The following RYR3 variants were observed in gnomAD, a reference collection of about 807,000 sequenced individuals.
RYR3 encodes ryanodine receptor 3.
In RYR3, 207 loss-of-function variants were observed where a neutral mutation model predicts 584.3. The ratio of observed to expected loss-of-function variants is 0.35; its 90% CI spans 0.32 to 0.40. The LOEUF (loss-of-function observed/expected upper bound fraction) is 0.40. Ranked by LOEUF, RYR3 falls within the 10% of genes least tolerant of loss-of-function variation. The pLI, the probability that RYR3 is intolerant of heterozygous loss-of-function variation, is 1.00. For missense variants in RYR3, 5,616 were observed against 6,089.2 expected, an observed-to-expected ratio of 0.92 and a Z score of 2.59; for synonymous variants, 2,416 against 2,248.5, an observed-to-expected ratio of 1.07 and a Z score of -2.11.
chr15:33,727,633 C>A (rs900130927), intron 46 of RYR3, among the ~76,000 whole-genome samples: 1 of 152,174 alleles, frequency 6.6e-6, no homozygotes, highest in Non-Finnish European at 1.5e-5. Context: ...GAGGCCGCAG[C>A]CTGCAGTCTG....
intron 102 of RYR3, among the ~76,000 whole-genome samples, chr15:33,862,712 G>GTGAT (rs150306937): frequency 0.051 from 7,722 of 152,054 alleles, 451 homozygotes; most frequent in East Asian, 0.36. Context: ...CTGGATTCAA[G>GTGAT]TGATTCTCCT....
intron 48 of RYR3, among the ~76,000 whole-genome samples, chr15:33,734,467 C>T (rs2069236730): frequency 6.6e-6 from 1 of 152,124 alleles, no homozygotes; most frequent in African/African-American, 2.4e-5. Context: ...TTTCCATCAG[C>T]TTTAATTTGT....
intron 18 of RYR3, among the ~76,000 whole-genome samples, chr15:33,608,922 A>C (rs1219965620): frequency 1.3e-5 from 2 of 152,194 alleles, no homozygotes; most frequent in Admixed American, 1.3e-4. Context: ...TTTCCTCTGG[A>C]GGGCATATGG....
intron 45 of RYR3, among the ~76,000 whole-genome samples, chr15:33,725,976 CAAAA>C (rs61503360): frequency 3.2e-4 from 10 of 31,516 alleles, no homozygotes; most frequent in East Asian, 9.0e-4. Flanking sequence ...TCCCCCCCCC[CAAAA>C]AAAAAAAAAA....
intron 2 of RYR3, among the ~76,000 whole-genome samples, chr15:33,501,819 C>T (rs79922958): frequency 0.015 from 2,214 of 152,286 alleles, 52 homozygotes; most frequent in African/African-American, 0.051. Context: ...AAGCTCTGCC[C>T]TGCATCACCA....
intron 1 of RYR3, among the ~76,000 whole-genome samples, chr15:33,356,305 CA>C (rs1973966373): frequency 6.6e-6 from 1 of 152,256 alleles, no homozygotes. Flanking sequence ...CACAAGGCTG[CA>C]ATGAAGTATG....
chr15:33,864,238 T>C, intron 103 of RYR3, 49 bp downstream of exon 103: 1 of 1,446,710 alleles, frequency 6.9e-7, no homozygotes, highest in African/African-American at 1.5e-5. Flanking sequence ...CTTTCCTAAA[T>C]CTTGAGACTT....
At chr15:33,485,053 G>GAT (rs1023931467) in intron 2 of RYR3, among the ~76,000 whole-genome samples, 19 of 152,084 alleles carry the variant, frequency 1.2e-4, no homozygotes, top group African/African-American at 4.6e-4. Flanking sequence ...AGAAATAAAC[G>GAT]ATAAGAAGGA....
At chr15:33,457,471 A>G (rs2047656150) in intron 1 of RYR3, among the ~76,000 whole-genome samples, 1 of 152,232 alleles carries the variant, frequency 6.6e-6, no homozygotes, top group Non-Finnish European at 1.5e-5. Context: ...ACATTATGTT[A>G]AGTGAAATAA....
chr15:33,405,669 G>A (rs1320033267), intron 1 of RYR3, among the ~76,000 whole-genome samples: 2 of 152,192 alleles, frequency 1.3e-5, no homozygotes, highest in Non-Finnish European at 2.9e-5. Context: ...TATTAACCAA[G>A]GCTTATTCAG....
chr15:33,837,125 C>A, intron 88 of RYR3, 138 bp downstream of exon 88: 1 of 647,424 alleles, frequency 1.5e-6, no homozygotes. Flanking sequence ...TTTTCAGAAA[C>A]GAAAAATAAA....
At chr15:33,559,780 G>A (rs1410609940) in intron 10 of RYR3, among the ~76,000 whole-genome samples, 1 of 152,176 alleles carries the variant, frequency 6.6e-6, no homozygotes, top group Admixed American at 6.5e-5. Context: ...TCTCCAGCCA[G>A]AAAGGTTTTA....
chr15:33,416,905 T>C (rs1163294945), intron 1 of RYR3, among the ~76,000 whole-genome samples: 1 of 152,206 alleles, frequency 6.6e-6, no homozygotes, highest in African/African-American at 2.4e-5. Flanking sequence ...TTTTTCTGCA[T>C]ATGGTTAGAC....
chr15:33,771,865 G>C, intron 62 of RYR3, 55 bp from the exon 63 acceptor site: 4 of 1,305,842 alleles, frequency 3.1e-6, no homozygotes, highest in Non-Finnish European at 4.3e-6. Flanking sequence ...TTCAAGAAGG[G>C]GATTGGCCAA....
intron 27 of RYR3, 111 bp from the exon 28 acceptor site, chr15:33,644,200 C>T (rs887138364): frequency 1.4e-5 from 11 of 770,554 alleles, no homozygotes; most frequent in African/African-American, 1.1e-4. Flanking sequence ...GGTTGTGTCA[C>T]ATCTTTCCTA....
chr15:33,580,872 A>G (rs970211912), intron 13 of RYR3, among the ~76,000 whole-genome samples: 2 of 152,192 alleles, frequency 1.3e-5, no homozygotes, highest in African/African-American at 4.8e-5. Context: ...CCTCAGGGGC[A>G]TTCTCTATGA....
chr15:33,617,242 G>A (rs112869066), intron 19 of RYR3, among the ~76,000 whole-genome samples: 1 of 59,548 alleles, frequency 1.7e-5, no homozygotes, highest in African/African-American at 3.6e-5. Context: ...ATGAAACCCC[G>A]TCTCACTAAA....
At chr15:33,635,168 C>T (rs2061441051) in intron 25 of RYR3, among the ~76,000 whole-genome samples, 1 of 152,078 alleles carries the variant, frequency 6.6e-6, no homozygotes, top group Non-Finnish European at 1.5e-5. Context: ...TATTGTCATC[C>T]CATGCCCCAG....
chr15:33,542,886 A>G (rs1189299382), intron 7 of RYR3, among the ~76,000 whole-genome samples: 4 of 152,090 alleles, frequency 2.6e-5, no homozygotes, highest in African/African-American at 7.2e-5. Flanking sequence ...TCCTGCTACT[A>G]TGTTCTTTGA....
Sources: allele counts gnomAD v4.1 joint callset (sites outside exome capture counted in the v4.1 genomes callset), GRCh38; gene constraint gnomAD v4.1.1; transcripts MANE v1.5; gene names NCBI Gene and HGNC (gene_info 2026-07-23, HGNC 2026-07-21).